GLIS1: variants seen among roughly 807,000 people sequenced by gnomAD.
GLIS1 encodes the protein zinc finger protein GLIS1.
In GLIS1, 24 loss-of-function variants were observed where a neutral mutation model predicts 63.8. That is an observed-to-expected ratio of 0.38 (90% CI 0.27 to 0.53). The LOEUF (loss-of-function observed/expected upper bound fraction) is 0.53. Among genes scored for constraint, GLIS1 ranks in the 20% least tolerant of loss-of-function variants. GLIS1 has a pLI of 0.85. For synonymous variants in GLIS1, 450 were observed against 482.5 expected (o/e 0.93, Z 0.88); for missense variants, 1,036 against 1,074.1 (o/e 0.96, Z 0.50).
chr1:53,617,146 C>G (rs1645490953), intron 2 of GLIS1, among the ~76,000 whole-genome samples: 1 of 152,238 alleles, frequency 6.6e-6, no homozygotes, highest in Non-Finnish European at 1.5e-5. Flanking sequence ...GGCAGAGGTT[C>G]CAAGGTGGGG....
At chr1:53,576,886 T>G (rs1645037033) in intron 4 of GLIS1, among the ~76,000 whole-genome samples, 1 of 151,970 alleles carries the variant, frequency 6.6e-6, no homozygotes, top group South Asian at 2.1e-4. Flanking sequence ...CAAACTGCCC[T>G]TTTCTCCTCC....
chr1:53,670,767 G>A (rs1646142473), intron 2 of GLIS1, among the ~76,000 whole-genome samples: 1 of 152,208 alleles, frequency 6.6e-6, no homozygotes, highest in South Asian at 2.1e-4. Context: ...CCTGCCTAAG[G>A]TGCCTTGTTC....
At chr1:53,684,883 G>A (rs1646314768) in intron 2 of GLIS1, among the ~76,000 whole-genome samples, 1 of 152,186 alleles carries the variant, frequency 6.6e-6, no homozygotes, top group Non-Finnish European at 1.5e-5. Flanking sequence ...GCTCTGCCCA[G>A]ATCAGTGAAT....
chr1:53,642,936 GA>G (rs1645802863), intron 2 of GLIS1, among the ~76,000 whole-genome samples: 1 of 152,190 alleles, frequency 6.6e-6, no homozygotes, highest in African/African-American at 2.4e-5. Flanking sequence ...GGCAATTCAG[GA>G]ATTGTGAGCT....
chr1:53,710,476 C>A (rs1646635353), intron 2 of GLIS1, among the ~76,000 whole-genome samples: 1 of 152,262 alleles, frequency 6.6e-6, no homozygotes, highest in African/African-American at 2.4e-5. Flanking sequence ...AAGGGACTTG[C>A]CCAAGGTCAC....
At chr1:53,559,687 C>A (rs867904705) in intron 4 of GLIS1, among the ~76,000 whole-genome samples, 3 of 152,188 alleles carry the variant, frequency 2.0e-5, no homozygotes, top group African/African-American at 2.4e-5. Flanking sequence ...CATCCTCCCC[C>A]ACACGCCCTG....
chr1:53,506,686 C>T lies in GLIS1; in HGVS notation c.2321G>A (p.Gly774Asp), dbSNP rs755357925. 3 of 1,613,586 alleles carry T rather than the reference C, an allele frequency of 1.9e-6. No individual in the cohort carries two copies. Among genetic ancestry groups the T allele is most frequent in the Middle Eastern group, 1.6e-4 (1 of 6,062 alleles). Residue 774 changes from glycine to aspartate, a missense_variant, in exon 11 of 11, where the codon GGC becomes GAC. Physicochemically the swap from Gly to Asp is moderately conservative, Grantham distance 94. Transcript: ENST00000628545. ...GTCAAAGGCTCCATTGGGGAAGAAG[C>T]CACAGTCCTCGGGGCCGCTGGACAC... ...DVVSSGPEDC[G>D]FFPNGAFDHC...
chr1:53,522,142 G>C (rs2100299281), intron 6 of GLIS1, among the ~76,000 whole-genome samples: 1 of 152,392 alleles, frequency 6.6e-6, no homozygotes, highest in East Asian at 1.9e-4. Flanking sequence ...TGTTCTTGTA[G>C]ACCGCAATGT....
In GLIS1 at chr1:53,656,454, C is replaced by T. The variant is rs537123103; in HGVS notation, c.260-56176G>A. Reference sequence around the variant, plus strand: ...CCAGCCTCTAGTATTTACAAGCAAGCACAAATCTGTGAGAAAATTCAATTG... The same window carrying T: ...CCAGCCTCTAGTATTTACAAGCAAGTACAAATCTGTGAGAAAATTCAATTG... On this transcript the variant is annotated intron_variant, in intron 2 of 10. Transcript: ENST00000628545. Among the ~76,000 whole-genome samples the T allele has an allele frequency of 1.0e-3, 153 of 152,320 alleles. 1 individual carries two copies. The highest frequency in any genetic ancestry group is 3.5e-3 in the African/African-American group (147 of 41,566).
intron 2 of GLIS1, among the ~76,000 whole-genome samples, chr1:53,612,789 A>G (rs1645438588): frequency 1.3e-5 from 2 of 150,490 alleles, no homozygotes; most frequent in African/African-American, 4.9e-5. Context: ...TGGTCCCTCA[A>G]GTCCTAGCTG....
intron 4 of GLIS1, among the ~76,000 whole-genome samples, chr1:53,561,088 T>C (rs1333432579): frequency 1.3e-5 from 2 of 152,156 alleles, no homozygotes; most frequent in South Asian, 2.1e-4. Flanking sequence ...CATTGACTCA[T>C]CTGTTTGATT....
At chr1:53,687,245 G>A (rs1177320638) in intron 2 of GLIS1, among the ~76,000 whole-genome samples, 5 of 152,224 alleles carry the variant, frequency 3.3e-5, no homozygotes, top group Non-Finnish European at 7.3e-5. Flanking sequence ...GAGGACGGAA[G>A]TAGTCCCAGC....
At chr1:53,523,494 T>G (rs146645401) in intron 6 of GLIS1, among the ~76,000 whole-genome samples, 1 of 152,302 alleles carries the variant, frequency 6.6e-6, no homozygotes, top group Non-Finnish European at 1.5e-5. Flanking sequence ...TGGAATACAG[T>G]AGGTGCTCTG....
chr1:53,698,012 C>T (rs890756028), intron 2 of GLIS1, among the ~76,000 whole-genome samples: 1 of 152,218 alleles, frequency 6.6e-6, no homozygotes, highest in African/African-American at 2.4e-5. Context: ...CCTGTCTCCA[C>T]ATCCGTTTCC....
chr1:53,721,076 C>T (rs1646749292), intron 2 of GLIS1, among the ~76,000 whole-genome samples: 1 of 151,682 alleles, frequency 6.6e-6, no homozygotes, highest in Non-Finnish European at 1.5e-5. Context: ...ACAAAAATCA[C>T]TTTTTTATAA....
intron 2 of GLIS1, among the ~76,000 whole-genome samples, chr1:53,618,902 C>T (rs936062208): frequency 6.6e-6 from 1 of 152,214 alleles, no homozygotes; most frequent in Non-Finnish European, 1.5e-5. Flanking sequence ...TCTAGTCCTA[C>T]CCTGGCTCTT....
intron 5 of GLIS1, among the ~76,000 whole-genome samples, chr1:53,529,331 G>T (rs1644504535): frequency 6.6e-6 from 1 of 152,178 alleles, no homozygotes; most frequent in South Asian, 2.1e-4. Context: ...ACCCTGGAGA[G>T]CCTCTGACCT....
intron 2 of GLIS1, among the ~76,000 whole-genome samples, chr1:53,697,693 T>G (rs533297598): frequency 1.3e-4 from 20 of 152,316 alleles, no homozygotes; most frequent in Admixed American, 1.3e-4. Flanking sequence ...TAACACTTAT[T>G]TAGCATATAC....
chr1:53,596,273 G>A (rs141578398), intron 3 of GLIS1, among the ~76,000 whole-genome samples: 2 of 152,338 alleles, frequency 1.3e-5, no homozygotes, highest in African/African-American at 4.8e-5. Context: ...CATTCTGAGT[G>A]GGGGGACCAG....
Sources: allele counts gnomAD v4.1 joint callset (sites outside exome capture counted in the v4.1 genomes callset), GRCh38; gene constraint gnomAD v4.1.1; transcripts MANE v1.5; gene names NCBI Gene and HGNC (gene_info 2026-07-23, HGNC 2026-07-21).